Variants in ZNF678 observed in about 807,000 individuals in gnomAD.
ZNF678 encodes the protein zinc finger protein 678, also known as hypothetical protein MGC42493.
ZNF678 carries 5 observed loss-of-function variants against 3.0 expected under a neutral mutation model. The observed-to-expected ratio is 1.69, with a 90% CI of 0.88 to 3.56. The LOEUF (loss-of-function observed/expected upper bound fraction) is 3.56, where lower values mean the gene tolerates loss of function less well. Among genes scored for constraint, ZNF678 ranks in the 30% most tolerant of loss-of-function variants. The pLI is 0.00. For missense variants in ZNF678, 593 were observed against 605.0 expected (o/e 0.98, Z 0.21); for synonymous variants, 218 against 199.6 (o/e 1.09, Z -0.78).
chr1:227,667,813 A>G (rs1659528539), intron 5 of ZNF678, among the ~76,000 whole-genome samples: 1 of 152,228 alleles, frequency 6.6e-6, no homozygotes, highest in Admixed American at 6.5e-5. Context: ...GGATCAGAGA[A>G]TTTTATGTCT....
At chr1:227,620,881 T>G (rs544151067) in intron 1 of ZNF678, among the ~76,000 whole-genome samples, 1 of 152,236 alleles carries the variant, frequency 6.6e-6, no homozygotes, top group South Asian at 2.1e-4. Flanking sequence ...ATAGTCAAGG[T>G]GTAGGGAATG....
intron 1 of ZNF678, among the ~76,000 whole-genome samples, chr1:227,584,877 A>G (rs939232949): frequency 1.1e-4 from 16 of 152,218 alleles, no homozygotes; most frequent in Non-Finnish European, 1.5e-4. Context: ...ATTGAGGCTG[A>G]TCAGATATTA....
At chr1:227,612,190 C>G (rs1411017496) in intron 1 of ZNF678, among the ~76,000 whole-genome samples, 4 of 152,166 alleles carry the variant, frequency 2.6e-5, no homozygotes, top group Non-Finnish European at 5.9e-5. Flanking sequence ...ATAAACCCTT[C>G]CAGCTGCAGA....
chr1:227,582,521 T>G (rs1449478559), intron 1 of ZNF678: 1 of 136,216 alleles, frequency 7.3e-6, no homozygotes, highest in African/African-American at 3.1e-5. Context: ...TAGAGACGCA[T>G]TCTCACTATG....
rs114904718 is a variant in ZNF678, at chr1:227,636,676, C to T, written c.-163-9868C>T. 4.0e-3 allele frequency among the ~76,000 whole-genome samples: 614 copies of T among 152,250 alleles called. 6 individuals carry two copies. Among genetic ancestry groups the T allele is most frequent in the African/African-American group, 0.014 (583 of 41,540 alleles). ...TTTTCTTTGTTTAGGTTATTATATA[C>T]AGGGACTCCGAGGGTGCTGCCCACT... On this transcript the variant is annotated intron_variant, in intron 1 of 3. Coordinates refer to ENST00000343776, the MANE Select transcript of ZNF678 (RefSeq NM_001367909.1).
intron 1 of ZNF678, among the ~76,000 whole-genome samples, chr1:227,632,840 T>C (rs1019303963): frequency 1.3e-5 from 2 of 152,094 alleles, no homozygotes; most frequent in African/African-American, 2.4e-5. Context: ...CCCAAGATGG[T>C]GGCGGGCCGC....
chr1:227,590,549 T>C (rs1657386389), intron 1 of ZNF678, among the ~76,000 whole-genome samples: 1 of 151,846 alleles, frequency 6.6e-6, no homozygotes, highest in Admixed American at 6.6e-5. Flanking sequence ...GTATAATTTT[T>C]TCAGGAGGCC....
intron 2 of ZNF678, among the ~76,000 whole-genome samples, chr1:227,650,326 G>C (rs930498987): frequency 5.3e-5 from 8 of 151,882 alleles, no homozygotes; most frequent in Non-Finnish European, 7.4e-5. Flanking sequence ...TATATGCATG[G>C]GTTTATTTCT....
chr1:227,602,422 A>C (rs776017093), intron 1 of ZNF678, among the ~76,000 whole-genome samples: 12 of 152,236 alleles, frequency 7.9e-5, no homozygotes, highest in Non-Finnish European at 1.3e-4. Context: ...TGTACACATA[A>C]GTAAAATATT....
intron 1 of ZNF678, chr1:227,582,483 G>A (rs1657154451): frequency 7.5e-6 from 1 of 133,336 alleles, no homozygotes; most frequent in Non-Finnish European, 1.5e-5. Flanking sequence ...CACTTGCCCA[G>A]CTAATTTTTT....
chr1:227,647,904 T>G (rs1234003981), intron 2 of ZNF678, among the ~76,000 whole-genome samples: 1 of 152,224 alleles, frequency 6.6e-6, no homozygotes, highest in Admixed American at 6.5e-5. Context: ...TAGTGGTATA[T>G]TGGCATTTGG....
At position 227,633,067 on chromosome 1, in the gene ZNF678, A is replaced by G. The variant is rs376015531; in HGVS notation, c.-163-13477A>G. Among the ~76,000 whole-genome samples the G allele has an allele frequency of 6.6e-4, 101 of 152,280 alleles. 1 individual carries two copies. The South Asian group carries it at 0.02, about 31-fold the overall frequency. On this transcript the variant is annotated intron_variant, in intron 1 of 3. Transcript: ENST00000343776. ...GGAACAATGACAAGACTCTAGCCCA[A>G]TCAGGAGTGGCAATGGGCACCTCAC...
At chr1:227,673,175 T>C (rs1659629768) in intron 5 of ZNF678, among the ~76,000 whole-genome samples, 1 of 152,206 alleles carries the variant, frequency 6.6e-6, no homozygotes, top group Admixed American at 6.5e-5. Context: ...ACTTGGGGTT[T>C]TTGATGGAAG....
intron 1 of ZNF678, among the ~76,000 whole-genome samples, chr1:227,566,752 G>C (rs980175302): frequency 6.6e-6 from 1 of 152,136 alleles, no homozygotes; most frequent in East Asian, 1.9e-4. Flanking sequence ...GGGTATGAAC[G>C]TGGTGAATTC....
At chr1:227,614,942 G>T (rs771477557) in intron 1 of ZNF678, among the ~76,000 whole-genome samples, 3 of 152,138 alleles carry the variant, frequency 2.0e-5, no homozygotes, top group Non-Finnish European at 2.9e-5. Flanking sequence ...CTTAGAAAAA[G>T]TTAACAGCGT....
intron 1 of ZNF678, among the ~76,000 whole-genome samples, chr1:227,625,931 G>A (rs564035064): frequency 1.8e-4 from 27 of 152,302 alleles, no homozygotes; most frequent in Admixed American, 1.4e-3. Flanking sequence ...TGCATGCAAA[G>A]AGTGGTAGAG....
intron 1 of ZNF678, among the ~76,000 whole-genome samples, chr1:227,609,969 G>A (rs1248423957): frequency 1.3e-5 from 2 of 152,036 alleles, no homozygotes; most frequent in African/African-American, 2.4e-5. Context: ...TCCTGACCTC[G>A]TGATCTGCCC....
At chr1:227,642,868 GA>G (rs1658856883) in intron 1 of ZNF678, among the ~76,000 whole-genome samples, 1 of 152,138 alleles carries the variant, frequency 6.6e-6, no homozygotes, top group Non-Finnish European at 1.5e-5. Flanking sequence ...CTGGTACTTG[GA>G]TGAAGAACCA....
Position 227,655,114 on chromosome 1 carries a change from T to C in ZNF678, c.864T>C (p.Thr288=). The C allele has an allele frequency of 6.2e-7, 1 of 1,613,202 alleles. No individual in the cohort carries two copies. Among genetic ancestry groups the C allele is most frequent in the Non-Finnish European group, 8.5e-7 (1 of 1,179,620 alleles). The change falls in exon 4 of 4, where the codon ACT becomes ACC. Residue 288 remains threonine, a synonymous_variant. Transcript: ENST00000343776. The part of the protein sequence containing the change: ...SHLTRHRRIH[T]GEKPYKCEEC... ...TAACTAGACATAGGAGAATTCATAC[T>C]GGAGAGAAACCCTACAAATGTGAAG...
Sources: allele counts gnomAD v4.1 joint callset (sites outside exome capture counted in the v4.1 genomes callset), GRCh38; gene constraint gnomAD v4.1.1; transcripts MANE v1.5; gene names NCBI Gene and HGNC (gene_info 2026-07-23, HGNC 2026-07-21).